Variants in CDKL5 observed in about 807,000 individuals in gnomAD.
CDKL5 encodes the protein cyclin-dependent kinase-like 5.
In CDKL5, 8 loss-of-function variants were observed where a neutral mutation model predicts 61.7. That is an observed-to-expected ratio of 0.13 (90% confidence interval 0.08 to 0.23). The LOEUF is 0.23. Ranked by LOEUF, CDKL5 falls within the 10% of genes least tolerant of loss-of-function variation. The pLI, the probability that CDKL5 is intolerant of heterozygous loss-of-function variation, is 1.00. For missense variants in CDKL5, 440 were observed against 734.5 expected, an observed-to-expected ratio of 0.60 and a Z score of 4.63; for synonymous variants, 275 against 272.3, an observed-to-expected ratio of 1.01 and a Z score of -0.10.
At chrX:18,486,128 T>C (rs957587272) in intron 1 of CDKL5, among the ~76,000 whole-genome samples, 2 of 111,683 alleles carry the variant, frequency 1.8e-5, no homozygotes, top group Non-Finnish European at 3.8e-5. Context: ...ATTTCAGATA[T>C]GCTGCATTAC....
chrX:18,611,945 T>G (rs1837322148), intron 14 of CDKL5, among the ~76,000 whole-genome samples: 1 of 111,530 alleles, frequency 9.0e-6, no homozygotes, highest in African/African-American at 3.3e-5. Context: ...TGGTCAAGAG[T>G]CAAGTGAAAT....
chrX:18,485,412 C>A (rs951177221), intron 1 of CDKL5, among the ~76,000 whole-genome samples: 1 of 111,837 alleles, frequency 8.9e-6, no homozygotes, highest in African/African-American at 3.3e-5. Context: ...TGGTAAAATG[C>A]TCAACTTAAA....
At chrX:18,514,522 C>T (rs937219785) in intron 3 of CDKL5, among the ~76,000 whole-genome samples, 9 of 109,868 alleles carry the variant, frequency 8.2e-5, no homozygotes, top group Non-Finnish European at 1.1e-4. Context: ...GCCTGGCCAA[C>T]GTGGTGAAAC....
chrX:18,459,541 G>A (rs1312912096), intron 1 of CDKL5, among the ~76,000 whole-genome samples: 1 of 108,155 alleles, frequency 9.2e-6, no homozygotes, highest in African/African-American at 3.4e-5. Context: ...CGGCCTGGGC[G>A]ACAGAACGAG....
At chrX:18,641,615 T>G, downstream of CDKL5, 1 of 178,689 alleles carries the variant, frequency 5.6e-6, no homozygotes, top group Non-Finnish European at 1.1e-5. Context: ...GGAAACTGTA[T>G]GTTTCTGTCT....
chrX:18,596,433 T>C (rs1040656443), intron 10 of CDKL5, among the ~76,000 whole-genome samples: 1 of 111,887 alleles, frequency 8.9e-6, no homozygotes, highest in South Asian at 3.7e-4. Context: ...TTCAGAAATA[T>C]CACAATAAAG....
chrX:18,626,718 CT>C (rs1927065034), intron 17 of CDKL5: 3 of 45,743 alleles, frequency 6.6e-5, no homozygotes, highest in African/African-American at 9.3e-5. Context: ...CTCTCTCTCT[CT>C]CTCTCCCCCC....
chrX:18,472,792 T>A (rs191128356), intron 1 of CDKL5, among the ~76,000 whole-genome samples: 17 of 110,088 alleles, frequency 1.5e-4, no homozygotes, highest in African/African-American at 5.3e-4. Flanking sequence ...TTTTTTTTTT[T>A]AAATGTGGAT....
intron 1 of CDKL5, among the ~76,000 whole-genome samples, chrX:18,492,942 A>G (rs1183417829): frequency 9.0e-6 from 1 of 111,715 alleles, no homozygotes; most frequent in Admixed American, 9.5e-5. Flanking sequence ...GGCAAAGATT[A>G]TGCTTCTTGA....
intron 3 of CDKL5, among the ~76,000 whole-genome samples, chrX:18,559,064 C>T (rs755242999): frequency 8.9e-6 from 1 of 112,542 alleles, no homozygotes; most frequent in South Asian, 3.6e-4. Flanking sequence ...GACCAGCCAA[C>T]CCCAATGAGA....
At chrX:18,448,321 C>T (rs1434486442) in intron 1 of CDKL5, among the ~76,000 whole-genome samples, 1 of 111,626 alleles carries the variant, frequency 9.0e-6, no homozygotes, top group Non-Finnish European at 1.9e-5. Context: ...CTGGTGCTGT[C>T]TTGGTAACAG....
At chrX:18,499,823 C>T (rs1320173932) in intron 1 of CDKL5, among the ~76,000 whole-genome samples, 1 of 112,029 alleles carries the variant, frequency 8.9e-6, no homozygotes, top group African/African-American at 3.2e-5. Flanking sequence ...CGTGTTTGGC[C>T]ATCTTTGATT....
intron 16 of CDKL5, 58 bp downstream of exon 16, chrX:18,620,024 A>G: frequency 2.8e-6 from 2 of 718,386 alleles, no homozygotes; most frequent in South Asian, 2.4e-5. Flanking sequence ...TTCAATGGAT[A>G]CTTTACACTT....
rs192938222 is a variant in CDKL5, at chrX:18,499,399, C to T, written c.-162-7536C>T. The stretch of plus-strand genomic sequence containing the variant: ...TTTTTGAGATGGAGTCTCGCTCTGT[C>T]GCCGAGGCTAGAGTGCAGTGGCTCG... On this transcript the variant is annotated intron_variant, in intron 1 of 17. Coordinates refer to ENST00000623535, the MANE Select transcript of CDKL5 (RefSeq NM_001323289.2). Among the ~76,000 whole-genome samples, 273 of 95,763 alleles carry T rather than the reference C, an allele frequency of 2.9e-3. 1 individual carries two copies. Among genetic ancestry groups the T allele is most frequent in the Middle Eastern group, 0.012 (2 of 162 alleles). The allele number at this position is 95,763 out of a possible 115,157, so 83.2% of individuals were successfully genotyped here.
intron 8 of CDKL5, among the ~76,000 whole-genome samples, chrX:18,586,464 T>C (rs1925647626): frequency 9.0e-6 from 1 of 111,609 alleles, no homozygotes; most frequent in Non-Finnish European, 1.9e-5. Flanking sequence ...TTGTGAATCT[T>C]CAGAGAGTAT....
chrX:18,510,625 A>G (rs760656200), intron 2 of CDKL5, among the ~76,000 whole-genome samples, 195 bp from the exon 3 acceptor site: 2 of 112,591 alleles, frequency 1.8e-5, no homozygotes, highest in South Asian at 7.3e-4. Flanking sequence ...GGAAGAAATG[A>G]CTTGTCTATA....
At chrX:18,598,127 A>G (rs1926063287) in intron 10 of CDKL5, among the ~76,000 whole-genome samples, 1 of 111,656 alleles carries the variant, frequency 9.0e-6, no homozygotes, top group South Asian at 3.7e-4. Context: ...GTGAATATCT[A>G]CTTAATTAAA....
Position 18,637,750 on chromosome X carries a change from A to T in CDKL5, c.*8993A>T, listed in dbSNP as rs989576089. On this transcript the variant is annotated 3_prime_UTR_variant, in exon 18 of 18. Coordinates refer to ENST00000623535, the MANE Select transcript of CDKL5 (RefSeq NM_001323289.2). ...GTTGTGAAGATTTAATGAGATAATA[A>T]CCTGCAGAGCACTTGAGAGTCTCAA... The T allele has an allele frequency of 9.0e-6, 1 of 111,423 alleles. No individual in the cohort carries two copies. The highest frequency in any genetic ancestry group is 9.6e-5 in the Admixed American group (1 of 10,416). The allele number at this position is 111,423 out of a possible 1,213,427, so 9.2% of individuals were successfully genotyped here. A position where few individuals can be genotyped will look rare whatever the true frequency, so the allele number is the denominator to read the frequency against.
At chrX:18,522,155 T>A (rs1175810766) in intron 3 of CDKL5, among the ~76,000 whole-genome samples, 1 of 110,539 alleles carries the variant, frequency 9.0e-6, no homozygotes, top group African/African-American at 3.3e-5. Flanking sequence ...AACTATAAAT[T>A]CTTCCAATCC....
Sources: gnomAD v4.1 joint callset for allele counts (sites outside exome capture counted in the v4.1 genomes callset) on GRCh38, gnomAD v4.1.1 for gene constraint, MANE v1.5 for transcripts, NCBI Gene and HGNC (gene_info 2026-07-23, HGNC 2026-07-21) for gene names.